ANKS3: variants seen among roughly 807,000 people sequenced by gnomAD.
ANKS3 encodes ankyrin repeat and sterile alpha motif domain containing 3, also known as ankyrin repeat and SAM domain-containing protein 3.
Under a neutral mutation model 80.7 loss-of-function variants are expected in ANKS3, and 62 were observed. The ratio of observed to expected loss-of-function variants is 0.77; its 90% confidence interval spans 0.63 to 0.95. The LOEUF is 0.95. Ranked by LOEUF, ANKS3 falls within the 40% of genes least tolerant of loss-of-function variation. ANKS3 has a pLI of 0.00. For synonymous variants in ANKS3, 489 were observed against 355.3 expected (o/e 1.38, Z -4.23); for missense variants, 1,150 against 883.6 (o/e 1.30, Z -3.82).
At chr16:4,700,912 C>G in intron 11 of ANKS3, 58 bp downstream of exon 11, 1 of 1,603,658 alleles carries the variant, frequency 6.2e-7, no homozygotes, top group Non-Finnish European at 8.5e-7. Flanking sequence ...CACATGCCTC[C>G]TAAGTCACAA....
Position 4,696,757 on chromosome 16 carries a change from CCT to C in ANKS3, c.*149_*150del, listed in dbSNP as rs1030660499. The C allele has an allele frequency of 4.0e-5, 22 of 547,010 alleles. No individual in the cohort carries two copies. Among genetic ancestry groups the C allele is most frequent in the Middle Eastern group, 4.9e-4 (1 of 2,028 alleles). The allele number at this position is 547,010 out of a possible 1,614,324, so 33.9% of individuals were successfully genotyped here. ...AGCCAGGGCCGCAGCCCCCGTCTTG[CCT>C]CTGTCTGCCGGCTGCTCCCGGGGCC... On this transcript the variant is annotated 3_prime_UTR_variant, in exon 18 of 18. Transcript: ENST00000304283.
chr16:4,721,594 G>C (rs372753020), intron 6 of ANKS3, among the ~76,000 whole-genome samples: 1 of 150,346 alleles, frequency 6.7e-6, no homozygotes, highest in East Asian at 2.0e-4. Context: ...CTGAGGGACA[G>C]AGCAAGACCC....
chr16:4,711,166 C>T (rs1474865447), intron 7 of ANKS3, among the ~76,000 whole-genome samples: 2 of 137,314 alleles, frequency 1.5e-5, no homozygotes, highest in Non-Finnish European at 3.1e-5. Context: ...TGCAATGGCA[C>T]GATCTCGGCT....
At chr16:4,728,747 T>C (rs2081481898) in intron 3 of ANKS3, among the ~76,000 whole-genome samples, 1 of 152,254 alleles carries the variant, frequency 6.6e-6, no homozygotes, top group African/African-American at 2.4e-5. Flanking sequence ...GGACTCTGCA[T>C]CTTAACAGGA....
At chr16:4,707,966 T>G (rs1341140107) in intron 7 of ANKS3, among the ~76,000 whole-genome samples, 1 of 151,266 alleles carries the variant, frequency 6.6e-6, no homozygotes, top group African/African-American at 2.4e-5. Context: ...CAAAAAAAAA[T>G]GAGCCAGGCG....
intron 5 of ANKS3, 98 bp from the exon 6 acceptor site, chr16:4,724,929 C>A: frequency 1.0e-6 from 1 of 996,922 alleles, no homozygotes; most frequent in East Asian, 2.6e-5. Context: ...GCACGAGTCA[C>A]CGATCCCTAA....
In ANKS3 at chr16:4,729,963, TC is replaced by T. The variant is rs544461351; in HGVS notation, c.170+16del. 45 of 1,454,752 alleles carry T rather than the reference TC, an allele frequency of 3.1e-5. No individual in the cohort carries two copies. In the East Asian group the frequency reaches 5.6e-4, roughly 18 times the overall value. The allele number at this position is 1,454,752 out of a possible 1,614,324, so 90.1% of individuals were successfully genotyped here. On this transcript the variant is annotated intron_variant, in intron 3 of 17. Transcript: ENST00000304283. ...CGCTGCTCAAAATGTGAGAGGAAGT[TC>T]CCCGAGATCTCTTACCGCTGCACAC...
At chr16:4,702,343 C>A in intron 8 of ANKS3, 101 bp from the exon 9 acceptor site, 1 of 1,265,134 alleles carries the variant, frequency 7.9e-7, no homozygotes, top group East Asian at 3.1e-5. Flanking sequence ...CAGTCATGAC[C>A]TCACCTACTT....
At chr16:4,723,068 G>A (rs1400596831) in intron 6 of ANKS3, among the ~76,000 whole-genome samples, 1 of 152,178 alleles carries the variant, frequency 6.6e-6, no homozygotes, top group Non-Finnish European at 1.5e-5. Context: ...GGACACCTTT[G>A]TCTATGACTG....
At chr16:4,721,121 C>T (rs745424771) in intron 6 of ANKS3, among the ~76,000 whole-genome samples, 16 of 148,926 alleles carry the variant, frequency 1.1e-4, no homozygotes, top group South Asian at 2.1e-4. Flanking sequence ...CTGGCTAACG[C>T]GGTGAAACCC....
At chr16:4,714,821 G>A (rs1194503344) in intron 6 of ANKS3, among the ~76,000 whole-genome samples, 8 of 151,318 alleles carry the variant, frequency 5.3e-5, no homozygotes, top group South Asian at 4.2e-4. Context: ...GTGAAACCCC[G>A]TCTCTACTAA....
At chr16:4,699,876 A>G (rs1330280746) in intron 11 of ANKS3, 1 of 152,308 alleles carries the variant, frequency 6.6e-6, no homozygotes, top group Non-Finnish European at 1.5e-5. Context: ...TTTCAACTCC[A>G]GAAATCCTAC....
chr16:4,701,489 T>C lies in ANKS3; in HGVS notation c.1064A>G (p.Glu355Gly). The change falls in exon 10 of 18, where the codon GAG (glutamate) becomes GGG (glycine). Residue 355 changes from glutamate (E) to glycine (G), a missense_variant. Transcript: ENST00000304283. Reference sequence around the variant, plus strand: ...GAGCCCCTGGGCTCTGGCCAGGCCCTCGCTGCTGCTGCTGCTCTGGACGGG... The same window carrying C: ...GAGCCCCTGGGCTCTGGCCAGGCCCCCGCTGCTGCTGCTGCTCTGGACGGG... ...LGPVQSSSSS[E>G]GLARAQGLSS... 1 of 1,612,110 alleles carries C rather than the reference T, an allele frequency of 6.2e-7. No individual in the cohort carries two copies. Among genetic ancestry groups the C allele is most frequent in the Non-Finnish European group, 8.5e-7 (1 of 1,178,976 alleles).
At chr16:4,731,173 G>C (rs962623898) in intron 2 of ANKS3, among the ~76,000 whole-genome samples, 1 of 152,222 alleles carries the variant, frequency 6.6e-6, no homozygotes, top group South Asian at 2.1e-4. Context: ...TTGGGGCAGA[G>C]AGGGAATTTG....
At chr16:4,702,032 G>C in intron 9 of ANKS3, 70 bp downstream of exon 9, 2 of 1,487,272 alleles carry the variant, frequency 1.3e-6, no homozygotes, top group Non-Finnish European at 1.8e-6. Flanking sequence ...CAGGGGATAA[G>C]TGGGGATGGG....
chr16:4,698,767 C>A, intron 13 of ANKS3, 33 bp downstream of exon 13: 1 of 1,571,680 alleles, frequency 6.4e-7, no homozygotes, highest in Middle Eastern at 2.0e-4. Context: ...ACGGGTGTCA[C>A]CCTGCCCCCC....
In ANKS3 at chr16:4,721,516, C is replaced by A. The variant is rs571452338; in HGVS notation, c.573+3234G>T. ...ATCCCAGCTACTTGGGAGGCTGAGG[C>A]AGGAGGATCACTTGAGACCAGGAGG... On this transcript the variant is annotated intron_variant, in intron 6 of 17. Coordinates refer to ENST00000304283, the MANE Select transcript of ANKS3 (RefSeq NM_133450.4). Among the ~76,000 whole-genome samples the A allele has an allele frequency of 1.6e-4, 24 of 151,248 alleles. 1 individual carries two copies. The highest frequency in any genetic ancestry group is 2.7e-4 in the Non-Finnish European group (18 of 67,704).
In ANKS3 at chr16:4,697,049, C is replaced by G. The variant is rs369166637; in HGVS notation, c.1950G>C (p.Gly650=). The part of the protein sequence containing the change: ...QSLEKLQVLN[G]KKWRET Reference sequence around the variant, plus strand: ...CAGGCTAGGTCTCCCGCCACTTCTTCCCGTTCAGCACCTGCAGCTTCTCCA... The same window carrying G: ...CAGGCTAGGTCTCCCGCCACTTCTTGCCGTTCAGCACCTGCAGCTTCTCCA... The change falls in exon 17 of 18, where the codon GGG becomes GGC. Residue 650 remains glycine (G), a synonymous_variant. Coordinates refer to ENST00000304283, the MANE Select transcript of ANKS3 (RefSeq NM_133450.4). 2 of 1,613,878 alleles carry G rather than the reference C, an allele frequency of 1.2e-6. No homozygotes were observed. Among genetic ancestry groups the G allele is most frequent in the Non-Finnish European group, 1.7e-6 (2 of 1,179,976 alleles).
At chr16:4,731,787 C>T (rs1234155933) in intron 1 of ANKS3, among the ~76,000 whole-genome samples, 1 of 152,136 alleles carries the variant, frequency 6.6e-6, no homozygotes, top group Non-Finnish European at 1.5e-5. Flanking sequence ...GGAAATATAA[C>T]AGGCCGGTGA....
Sources: allele counts gnomAD v4.1 joint callset (sites outside exome capture counted in the v4.1 genomes callset), GRCh38; gene constraint gnomAD v4.1.1; transcripts MANE v1.5; gene names NCBI Gene and HGNC (gene_info 2026-07-23, HGNC 2026-07-21).